EIF4G3: variants seen among roughly 807,000 people sequenced by gnomAD.
EIF4G3 encodes eukaryotic translation initiation factor 4 gamma 3, also known as eIF-4-gamma 3.
In EIF4G3, 34 loss-of-function variants were observed where a neutral mutation model predicts 186.4. The observed-to-expected ratio is 0.18, with a 90% confidence interval of 0.14 to 0.24. The LOEUF is 0.24. EIF4G3 is among the 10% of genes least tolerant of loss of function. The probability of loss-of-function intolerance (pLI) is 1.00; values close to 1 mark genes in which losing one functional copy is unlikely to be tolerated. For missense variants in EIF4G3, 1,536 were observed against 1,948.5 expected (o/e 0.79, Z 3.99); for synonymous variants, 673 against 679.5 (o/e 0.99, Z 0.15).
chr1:20,989,132 A>C (rs1489685035), intron 7 of EIF4G3, among the ~76,000 whole-genome samples: 1 of 140,112 alleles, frequency 7.1e-6, no homozygotes, highest in Non-Finnish European at 1.5e-5. Context: ...GGAGAAGGCC[A>C]AAATATCAAC....
chr1:21,022,564 A>T (rs1277454666), intron 4 of EIF4G3, among the ~76,000 whole-genome samples: 1 of 152,126 alleles, frequency 6.6e-6, no homozygotes, highest in Non-Finnish European at 1.5e-5. Context: ...TCCCATTCCC[A>T]CTAATAAGTT....
At chr1:20,898,247 T>C (rs2089044460) in intron 16 of EIF4G3, among the ~76,000 whole-genome samples, 1 of 152,114 alleles carries the variant, frequency 6.6e-6, no homozygotes, top group African/African-American at 2.4e-5. Context: ...GGGAGCACTT[T>C]GGGAGGCTGA....
intron 4 of EIF4G3, among the ~76,000 whole-genome samples, chr1:21,028,326 AAAAG>A (rs144356216): frequency 0.019 from 2,886 of 152,334 alleles, 41 homozygotes; most frequent in Non-Finnish European, 0.028. Context: ...ATTGGGAAAA[AAAAG>A]AGAAAGGTTC....
At chr1:20,909,118 C>CT (rs1372089085) in intron 14 of EIF4G3, among the ~76,000 whole-genome samples, 2 of 151,618 alleles carry the variant, frequency 1.3e-5, no homozygotes, top group African/African-American at 4.9e-5. Flanking sequence ...CGCCACTGCA[C>CT]TCCAGCCTGG....
chr1:21,071,561 C>T (rs1419427114), intron 3 of EIF4G3, among the ~76,000 whole-genome samples: 4 of 152,124 alleles, frequency 2.6e-5, no homozygotes, highest in African/African-American at 7.2e-5. Context: ...CGGCCGGGCA[C>T]GGTGGCTCAC....
At chr1:20,957,538 GAAAT>G (rs2096462826) in intron 12 of EIF4G3, among the ~76,000 whole-genome samples, 3 of 131,592 alleles carry the variant, frequency 2.3e-5, no homozygotes, top group Non-Finnish European at 3.3e-5. Flanking sequence ...AAAAAAAAAA[GAAAT>G]AACAGAAATT....
intron 32 of EIF4G3, among the ~76,000 whole-genome samples, chr1:20,827,062 G>A (rs575228728): frequency 2.6e-5 from 4 of 152,204 alleles, no homozygotes; most frequent in East Asian, 1.9e-4. Context: ...TGAGTCAGGC[G>A]TAAGTAAGTC....
chr1:21,055,079 TC>T (rs2094500262), intron 3 of EIF4G3, among the ~76,000 whole-genome samples: 1 of 152,206 alleles, frequency 6.6e-6, no homozygotes, highest in Non-Finnish European at 1.5e-5. Context: ...AGGAAATTTT[TC>T]AAAGGAGAAA....
chr1:21,166,058 CTCA>C (rs985717210), intron 2 of EIF4G3, among the ~76,000 whole-genome samples: 26 of 106,182 alleles, frequency 2.4e-4, no homozygotes, highest in African/African-American at 8.1e-4. Flanking sequence ...TGATCACCCA[CTCA>C]TCATAATCCA....
At chr1:21,009,361 G>A (rs932269753) in intron 4 of EIF4G3, among the ~76,000 whole-genome samples, 23 of 152,042 alleles carry the variant, frequency 1.5e-4, no homozygotes, top group African/African-American at 3.4e-4. Context: ...TGAATTTTTC[G>A]TGGAGATAGG....
chr1:20,901,426 T>G (rs748730674), intron 15 of EIF4G3, among the ~76,000 whole-genome samples: 3 of 152,150 alleles, frequency 2.0e-5, no homozygotes, highest in Admixed American at 6.5e-5. Context: ...GTATTTAAAC[T>G]TATTAAAGAG....
chr1:21,148,704 T>TA (rs2097498204), intron 2 of EIF4G3, among the ~76,000 whole-genome samples: 3 of 117,418 alleles, frequency 2.6e-5, no homozygotes, highest in African/African-American at 9.2e-5. Context: ...TCTGTCTCAT[T>TA]TAAAAAAAAA....
At chr1:21,025,259 G>A (rs1425810594) in intron 4 of EIF4G3, among the ~76,000 whole-genome samples, 2 of 152,152 alleles carry the variant, frequency 1.3e-5, no homozygotes, top group Non-Finnish European at 2.9e-5. Context: ...TAAGGACTTC[G>A]CCATGAAGGT....
intron 4 of EIF4G3, among the ~76,000 whole-genome samples, chr1:21,038,133 C>T (rs1020506894): frequency 3.9e-5 from 6 of 152,160 alleles, no homozygotes; most frequent in African/African-American, 1.4e-4. Context: ...GCTTTCTGCC[C>T]CTCAGAAGAC....
At chr1:20,856,156 T>G (rs2074839584) in intron 25 of EIF4G3, among the ~76,000 whole-genome samples, 2 of 152,154 alleles carry the variant, frequency 1.3e-5, no homozygotes, top group African/African-American at 4.8e-5. Context: ...ACCAGAATCT[T>G]GGAGAAAAGG....
intron 2 of EIF4G3, among the ~76,000 whole-genome samples, chr1:21,156,545 C>T (rs2097664525): frequency 1.3e-5 from 2 of 152,178 alleles, no homozygotes; most frequent in African/African-American, 4.8e-5. Context: ...CTGAATTTAT[C>T]TGTCCACTAT....
intron 19 of EIF4G3, among the ~76,000 whole-genome samples, chr1:20,879,734 G>A (rs1193893072): frequency 6.6e-6 from 1 of 151,998 alleles, no homozygotes; most frequent in Non-Finnish European, 1.5e-5. Flanking sequence ...CTAGAAATAG[G>A]TATATACACA....
At chr1:20,830,482 A>G (rs940939907) in intron 30 of EIF4G3, among the ~76,000 whole-genome samples, 1 of 152,168 alleles carries the variant, frequency 6.6e-6, no homozygotes, top group African/African-American at 2.4e-5. Flanking sequence ...TTATGTGCAT[A>G]CTTTGGGTTC....
At chr1:20,978,266 A>C (rs1259575951) in intron 10 of EIF4G3, among the ~76,000 whole-genome samples, 2 of 152,184 alleles carry the variant, frequency 1.3e-5, no homozygotes, top group Non-Finnish European at 2.9e-5. Context: ...CACTTGCAAT[A>C]TGCTGTCAAA....
Sources: allele counts gnomAD v4.1 joint callset (sites outside exome capture counted in the v4.1 genomes callset), GRCh38; gene constraint gnomAD v4.1.1; transcripts MANE v1.5; gene names NCBI Gene and HGNC (gene_info 2026-07-23, HGNC 2026-07-21).